The following CYRIA variants were observed in gnomAD, a reference collection of about 807,000 sequenced individuals.
The protein encoded by CYRIA is CYFIP-related Rac1 interactor A.
A neutral mutation model predicts 43.9 loss-of-function variants in CYRIA; 15 were observed. The observed-to-expected ratio is 0.34, with a 90% CI of 0.23 to 0.53. CYRIA has a LOEUF of 0.53. Among genes scored for constraint, CYRIA ranks in the 20% least tolerant of loss-of-function variants. CYRIA has a pLI of 0.94. For synonymous variants in CYRIA, 117 were observed against 136.0 expected (o/e 0.86, Z 0.97); for missense variants, 236 against 394.2 (o/e 0.60, Z 3.40).
At chr2:16,648,327 CA>C (rs59091239) in intron 1 of CYRIA, among the ~76,000 whole-genome samples, 829 of 121,946 alleles carry the variant, frequency 6.8e-3, no homozygotes, top group Middle Eastern at 0.013. Context: ...ATGACAACAG[CA>C]AAAAAAAAAA....
At chr2:16,648,054 G>T (rs1395416740) in intron 1 of CYRIA, among the ~76,000 whole-genome samples, 1 of 152,164 alleles carries the variant, frequency 6.6e-6, no homozygotes, top group East Asian at 1.9e-4. Context: ...AAGAGAAAAT[G>T]CTACTATTAC....
rs531704796 is a variant in CYRIA at position 16,633,692 on chromosome 2, T to A, written c.-166-9673A>T. Among the ~76,000 whole-genome samples the A allele has an allele frequency of 2.0e-3, 308 of 152,012 alleles. 19 individuals are homozygous for A. In the South Asian group the frequency reaches 0.059, roughly 29 times the overall value. On this transcript the variant is annotated intron_variant, in intron 1 of 11. Transcript: ENST00000381323. The stretch of plus-strand genomic sequence containing the variant: ...CACCGCACCCAGCTACCTCATCACT[T>A]TCTGACGGGACTGTTACATCAATCT...
At chr2:16,564,982 C>A (rs781438620) in intron 4 of CYRIA, among the ~76,000 whole-genome samples, 19 of 152,144 alleles carry the variant, frequency 1.2e-4, no homozygotes, top group Non-Finnish European at 2.2e-4. Context: ...ACCCAGACTT[C>A]ATGGTTCATA....
In CYRIA at chr2:16,564,086, T is replaced by C. The variant is rs1666843919; in HGVS notation, c.201A>G (p.Gln67=). ...CTTGAAGCTGAATGTCATTGGGATT[T>C]TGAATTGCCTGCAAAAACACAGTAG... ...GAGPEIRDAI[Q]NPNDIQLQEK... The change falls in exon 5 of 12, where the codon CAA becomes CAG. Residue 67 remains glutamine, a synonymous_variant. Coordinates refer to ENST00000381323, the MANE Select transcript of CYRIA (RefSeq NM_030797.4). 6.2e-7 allele frequency: 1 copy of C among 1,613,256 alleles called. No individual in the cohort carries two copies. The highest frequency in any genetic ancestry group is 1.3e-5 in the African/African-American group (1 of 74,984).
chr2:16,590,302 C>A (rs1667881142), intron 2 of CYRIA, among the ~76,000 whole-genome samples: 1 of 152,122 alleles, frequency 6.6e-6, no homozygotes, highest in Non-Finnish European at 1.5e-5. Context: ...CACTAACCTC[C>A]TGGGTCTCTA....
intron 1 of CYRIA, among the ~76,000 whole-genome samples, chr2:16,632,659 A>G (rs2103523348): frequency 1.3e-5 from 2 of 152,276 alleles, no homozygotes; most frequent in Middle Eastern, 3.4e-3. Flanking sequence ...AAAATGAAAA[A>G]CTTCCATCAT....
At chr2:16,601,770 C>T (rs1232270132) in intron 2 of CYRIA, among the ~76,000 whole-genome samples, 1 of 150,700 alleles carries the variant, frequency 6.6e-6, no homozygotes, top group African/African-American at 2.4e-5. Flanking sequence ...CTATTTGCAA[C>T]TCTATTTTTG....
rs112043045 is a variant in CYRIA, at chr2:16,627,810, C to T, written c.-166-3791G>A. On this transcript the variant is annotated intron_variant, in intron 1 of 11. Transcript: ENST00000381323. ...TTGGTACCTAGTGCCCTCTGGGTAG[C>T]AGCCGACCAATGTCAGGCAACACCA... 5.5e-3 allele frequency among the ~76,000 whole-genome samples: 831 copies of T among 152,292 alleles called. 4 individuals are homozygous for T. The highest frequency in any genetic ancestry group is 0.01 in the Middle Eastern group (3 of 294).
At chr2:16,563,303 T>C (rs892064891) in intron 5 of CYRIA, among the ~76,000 whole-genome samples, 4 of 152,190 alleles carry the variant, frequency 2.6e-5, no homozygotes, top group African/African-American at 9.6e-5. Context: ...TCTCAGCTTC[T>C]AGTCCTCTTA....
intron 1 of CYRIA, among the ~76,000 whole-genome samples, chr2:16,652,171 CT>C (rs1487712723): frequency 6.6e-6 from 1 of 152,274 alleles, no homozygotes; most frequent in East Asian, 1.9e-4. Flanking sequence ...TCTATCATTC[CT>C]TTGTGAAAAT....
intron 10 of CYRIA, among the ~76,000 whole-genome samples, chr2:16,559,086 G>C (rs921865243): frequency 1.6e-4 from 24 of 152,160 alleles, no homozygotes; most frequent in Non-Finnish European, 3.5e-4. Context: ...TTTGACCATA[G>C]TGTCTTGTAA....
At chr2:16,644,087 A>G (rs1669751903) in intron 1 of CYRIA, among the ~76,000 whole-genome samples, 1 of 152,222 alleles carries the variant, frequency 6.6e-6, no homozygotes, top group African/African-American at 2.4e-5. Flanking sequence ...TCAGTCTGGA[A>G]CTAGGTACCT....
At position 16,576,011 on chromosome 2, in the gene CYRIA, C is replaced by T. The variant is rs191373587; in HGVS notation, c.71-10244G>A. 2.0e-3 allele frequency among the ~76,000 whole-genome samples: 299 copies of T among 152,302 alleles called. 2 individuals are homozygous for T. The highest frequency in any genetic ancestry group is 6.9e-3 in the African/African-American group (288 of 41,564). On this transcript the variant is annotated intron_variant, in intron 3 of 11. Coordinates refer to ENST00000381323, the MANE Select transcript of CYRIA (RefSeq NM_030797.4). ...CCTCTGTCATAATTGTGAGGCCTCCCTAGCCAAATGGAACTGTAAGTCCAT... is the reference window on the plus strand; with the variant it reads ...CCTCTGTCATAATTGTGAGGCCTCCTTAGCCAAATGGAACTGTAAGTCCAT...
intron 1 of CYRIA, among the ~76,000 whole-genome samples, chr2:16,644,230 A>T (rs1274207687): frequency 2.0e-5 from 3 of 152,232 alleles, no homozygotes; most frequent in African/African-American, 7.2e-5. Flanking sequence ...CAGACATTTT[A>T]AAATGCAAAG....
intron 1 of CYRIA, among the ~76,000 whole-genome samples, chr2:16,637,736 A>G (rs1380315078): frequency 6.6e-6 from 1 of 152,252 alleles, no homozygotes; most frequent in Non-Finnish European, 1.5e-5. Context: ...ACTTATGCAT[A>G]TGATTTATGT....
chr2:16,589,931 C>T (rs905135701), intron 2 of CYRIA, among the ~76,000 whole-genome samples: 7 of 151,836 alleles, frequency 4.6e-5, no homozygotes, highest in Admixed American at 6.6e-5. Context: ...CTCTCATTGG[C>T]GATATTTAAG....
At chr2:16,655,424 G>A (rs1173623508) in intron 1 of CYRIA, among the ~76,000 whole-genome samples, 1 of 152,196 alleles carries the variant, frequency 6.6e-6, no homozygotes, top group Non-Finnish European at 1.5e-5. Flanking sequence ...GGCAGAGCTA[G>A]GCTTATACCC....
chr2:16,660,428 T>C (rs986227826), intron 1 of CYRIA, among the ~76,000 whole-genome samples: 1 of 152,126 alleles, frequency 6.6e-6, no homozygotes, highest in Non-Finnish European at 1.5e-5. Context: ...ATTGACTCTA[T>C]TGAAGTAAGA....
chr2:16,562,574 T>A (rs1183500329), intron 5 of CYRIA, among the ~76,000 whole-genome samples: 1 of 152,164 alleles, frequency 6.6e-6, no homozygotes, highest in Non-Finnish European at 1.5e-5. Flanking sequence ...TTTCTCTGCA[T>A]CTACATTCTA....
Sources: allele counts gnomAD v4.1 joint callset (sites outside exome capture counted in the v4.1 genomes callset), GRCh38; gene constraint gnomAD v4.1.1; transcripts MANE v1.5; gene names NCBI Gene and HGNC (gene_info 2026-07-23, HGNC 2026-07-21).